The following NDST4 variants were observed in gnomAD, a reference collection of about 807,000 sequenced individuals.
NDST4 encodes the protein N-deacetylase and N-sulfotransferase 4.
A neutral mutation model predicts 100.8 loss-of-function variants in NDST4; 63 were observed. The ratio of observed to expected loss-of-function variants is 0.62; its 90% CI spans 0.51 to 0.77. The LOEUF (loss-of-function observed/expected upper bound fraction) is 0.77, where lower values mean the gene tolerates loss of function less well. Ranked by LOEUF, NDST4 falls within the 30% of genes least tolerant of loss-of-function variation. The pLI is 0.00. For missense variants in NDST4, 943 were observed against 1,018.4 expected, an observed-to-expected ratio of 0.93 and a Z score of 1.01; for synonymous variants, 377 against 361.8, an observed-to-expected ratio of 1.04 and a Z score of -0.48.
At chr4:115,085,108 T>G (rs1468993658) in intron 1 of NDST4, among the ~76,000 whole-genome samples, 1 of 152,208 alleles carries the variant, frequency 6.6e-6, no homozygotes, top group Non-Finnish European at 1.5e-5. Context: ...GACCTGCATG[T>G]GAGACATGGA....
At chr4:114,901,051 T>A (rs1486900673) in intron 6 of NDST4, among the ~76,000 whole-genome samples, 1 of 152,038 alleles carries the variant, frequency 6.6e-6, no homozygotes, top group African/African-American at 2.4e-5. Context: ...TACGGTGTGT[T>A]TTATGCCCCA....
intron 2 of NDST4, among the ~76,000 whole-genome samples, chr4:114,982,551 C>A (rs556770537): frequency 1.3e-5 from 2 of 152,220 alleles, no homozygotes; most frequent in South Asian, 4.1e-4. Context: ...AAAAGCCTAA[C>A]TCATTTGCAT....
intron 2 of NDST4, among the ~76,000 whole-genome samples, chr4:114,986,793 C>CAT (rs59806494): frequency 0.02 from 1,831 of 90,750 alleles, 35 homozygotes; most frequent in East Asian, 0.047. Context: ...TCCAATTATA[C>CAT]ATATATATAT....
intron 6 of NDST4, among the ~76,000 whole-genome samples, chr4:114,890,781 C>A (rs960421365): frequency 2.1e-4 from 32 of 152,078 alleles, no homozygotes; most frequent in Non-Finnish European, 8.8e-5. Context: ...CCATTCCCTG[C>A]TCCTTTCTTA....
At chr4:114,896,853 G>C (rs1724726113) in intron 6 of NDST4, among the ~76,000 whole-genome samples, 1 of 151,906 alleles carries the variant, frequency 6.6e-6, no homozygotes, top group African/African-American at 2.4e-5. Context: ...TTCTCTTTAT[G>C]TTTCCCAGAA....
At chr4:115,083,003 A>T (rs1729333841) in intron 1 of NDST4, among the ~76,000 whole-genome samples, 1 of 152,206 alleles carries the variant, frequency 6.6e-6, no homozygotes, top group Non-Finnish European at 1.5e-5. Flanking sequence ...AATTTGCAAT[A>T]ATTTCACTGA....
chr4:115,004,638 C>A (rs952022824), intron 2 of NDST4, among the ~76,000 whole-genome samples: 4 of 152,286 alleles, frequency 2.6e-5, no homozygotes, highest in South Asian at 2.1e-4. Context: ...CCAACCACCC[C>A]TTCTCAATCA....
chr4:114,925,674 C>T (rs1360030597), intron 6 of NDST4, among the ~76,000 whole-genome samples: 1 of 151,474 alleles, frequency 6.6e-6, no homozygotes, highest in Non-Finnish European at 1.5e-5. Context: ...TTTTTGTTCA[C>T]CTGAATTTGC....
chr4:114,944,157 A>G (rs1725811206), intron 4 of NDST4, among the ~76,000 whole-genome samples: 1 of 152,214 alleles, frequency 6.6e-6, no homozygotes, highest in Non-Finnish European at 1.5e-5. Flanking sequence ...TTTAGGGGCC[A>G]GAGTGTGTGA....
chr4:115,090,814 G>A (rs1398933425), intron 1 of NDST4, among the ~76,000 whole-genome samples: 2 of 152,020 alleles, frequency 1.3e-5, no homozygotes, highest in Admixed American at 6.6e-5. Flanking sequence ...CTCTCAGGAT[G>A]AGCATCGTGC....
intron 6 of NDST4, among the ~76,000 whole-genome samples, chr4:114,919,940 T>C (rs1295514915): frequency 6.6e-6 from 1 of 152,106 alleles, no homozygotes; most frequent in Non-Finnish European, 1.5e-5. Context: ...GAACCTACTA[T>C]AGGTACACAC....
chr4:114,866,481 A>G (rs1482975754), intron 7 of NDST4, among the ~76,000 whole-genome samples: 1 of 152,184 alleles, frequency 6.6e-6, no homozygotes, highest in Non-Finnish European at 1.5e-5. Flanking sequence ...GTTACTTACC[A>G]TTACATCACT....
chr4:114,929,149 T>TATCTATCTATC (rs1560817206), intron 6 of NDST4, among the ~76,000 whole-genome samples: 2 of 151,760 alleles, frequency 1.3e-5, no homozygotes, highest in African/African-American at 4.8e-5. Context: ...TCTATCTATC[T>TATCTATCTATC]ATCTATCTAT....
At chr4:115,031,518 G>A (rs952149953) in intron 2 of NDST4, among the ~76,000 whole-genome samples, 2 of 151,990 alleles carry the variant, frequency 1.3e-5, no homozygotes, top group Non-Finnish European at 2.9e-5. Flanking sequence ...CCAAGTAAGA[G>A]TAAGCCACCA....
At chr4:114,908,001 C>T (rs1465732670) in intron 6 of NDST4, among the ~76,000 whole-genome samples, 1 of 152,058 alleles carries the variant, frequency 6.6e-6, no homozygotes, top group Non-Finnish European at 1.5e-5. Context: ...AGAGCAGTAA[C>T]TTGAAAAGAT....
chr4:115,086,161 C>T (rs576520455), intron 1 of NDST4, among the ~76,000 whole-genome samples: 68 of 152,116 alleles, frequency 4.5e-4, no homozygotes, highest in African/African-American at 1.6e-3. Context: ...TGGAAAATAT[C>T]CAATATTGAT....
At chr4:114,861,725 A>T (rs551009754) in intron 7 of NDST4, among the ~76,000 whole-genome samples, 5 of 151,970 alleles carry the variant, frequency 3.3e-5, no homozygotes, top group Non-Finnish European at 7.4e-5. Flanking sequence ...TTACCTGAAG[A>T]CCATTATATA....
rs1978938 is a variant in NDST4 at position 114,915,120 on chromosome 4, A to G, written c.1536+20086T>C. Among the ~76,000 whole-genome samples, 1,460 of 152,276 alleles carry G rather than the reference A, an allele frequency of 9.6e-3. 21 individuals carry two copies. The highest frequency in any genetic ancestry group is 0.031 in the Middle Eastern group (9 of 294). On this transcript the variant is annotated intron_variant, in intron 6 of 13. Transcript: ENST00000264363. The stretch of plus-strand genomic sequence containing the variant: ...CTAAAAGCAAAGTCCTTCAGAGTTG[A>G]TAAGAAGATTCCTGAATTCAAATGT...
chr4:114,898,728 T>C (rs1724769568), intron 6 of NDST4, among the ~76,000 whole-genome samples: 1 of 147,096 alleles, frequency 6.8e-6, no homozygotes, highest in African/African-American at 2.7e-5. Context: ...AGTTGCATAG[T>C]TTTCCTCACG....
Sources: allele counts gnomAD v4.1 joint callset (sites outside exome capture counted in the v4.1 genomes callset), GRCh38; gene constraint gnomAD v4.1.1; transcripts MANE v1.5; gene names NCBI Gene and HGNC (gene_info 2026-07-23, HGNC 2026-07-21).